Variants in TAFA1 observed in about 807,000 individuals in gnomAD.
TAFA1 encodes the protein chemokine-like protein TAFA-1.
In TAFA1, 4 loss-of-function variants were observed where a neutral mutation model predicts 18.5. The ratio of observed to expected loss-of-function variants is 0.22; its 90% CI spans 0.11 to 0.49. The LOEUF (loss-of-function observed/expected upper bound fraction) is 0.49, where lower values mean the gene tolerates loss of function less well. Ranked by LOEUF, TAFA1 falls within the 20% of genes least tolerant of loss-of-function variation. The pLI is 0.98. For synonymous variants in TAFA1, 56 were observed against 55.2 expected (o/e 1.01, Z -0.06); for missense variants, 147 against 169.0 (o/e 0.87, Z 0.72).
chr3:68,235,269 T>C lies in TAFA1; in HGVS notation c.119-182011T>C, dbSNP rs549146145. Among the ~76,000 whole-genome samples, 3 of 152,296 alleles carry C rather than the reference T, an allele frequency of 2.0e-5. No homozygotes were observed. The East Asian group carries it at 5.8e-4, about 29-fold the overall frequency. On this transcript the variant is annotated intron_variant, in intron 2 of 4. Coordinates refer to ENST00000478136, the MANE Select transcript of TAFA1 (RefSeq NM_213609.4). ...TCTCCACTCACCATATCTTACCACA[T>C]CTCACACATTGGTTATGAAATCCAT...
chr3:68,159,186 G>C (rs539432350), intron 2 of TAFA1, among the ~76,000 whole-genome samples: 1 of 152,214 alleles, frequency 6.6e-6, no homozygotes, highest in African/African-American at 2.4e-5. Context: ...GAAGATGATA[G>C]CACACCACCT....
chr3:67,993,385 T>C, the TAFA1 span, among the ~76,000 whole-genome samples: 1 of 152,222 alleles, frequency 6.6e-6, no homozygotes, highest in Non-Finnish European at 1.5e-5. Context: ...TCCTAAACTG[T>C]AAGGCGGAAG....
At chr3:68,083,788 C>G (rs919391160) in intron 2 of TAFA1, among the ~76,000 whole-genome samples, 4 of 152,078 alleles carry the variant, frequency 2.6e-5, no homozygotes, top group African/African-American at 9.7e-5. Flanking sequence ...GACATTCAGC[C>G]TTGATATTTT....
At chr3:68,378,818 C>T (rs1157749682) in intron 2 of TAFA1, among the ~76,000 whole-genome samples, 1 of 152,008 alleles carries the variant, frequency 6.6e-6, no homozygotes, top group Non-Finnish European at 1.5e-5. Context: ...TAAGCAAAGC[C>T]TTTGACAGTT....
chr3:68,161,355 G>A (rs1453246199), intron 2 of TAFA1, among the ~76,000 whole-genome samples: 1 of 152,138 alleles, frequency 6.6e-6, no homozygotes, highest in Admixed American at 6.5e-5. Flanking sequence ...AGAGGGTACA[G>A]TGGGGGTTCT....
chr3:68,162,881 A>C (rs1228261045), intron 2 of TAFA1, among the ~76,000 whole-genome samples: 1 of 152,224 alleles, frequency 6.6e-6, no homozygotes, highest in East Asian at 1.9e-4. Flanking sequence ...TTTTTAGATA[A>C]ATTGGTTTGT....
intron 2 of TAFA1, among the ~76,000 whole-genome samples, chr3:68,301,152 C>A (rs2068297410): frequency 6.6e-6 from 1 of 152,142 alleles, no homozygotes; most frequent in Non-Finnish European, 1.5e-5. Flanking sequence ...ACCCCACCCC[C>A]AATTTATACT....
intron 2 of TAFA1, among the ~76,000 whole-genome samples, chr3:68,300,903 C>A (rs1174881210): frequency 6.6e-6 from 1 of 152,080 alleles, no homozygotes; most frequent in Admixed American, 6.5e-5. Flanking sequence ...TGAGGTCTCC[C>A]CAGCCATGCT....
At chr3:68,157,321 C>A (rs1293930441) in intron 2 of TAFA1, among the ~76,000 whole-genome samples, 1 of 152,090 alleles carries the variant, frequency 6.6e-6, no homozygotes, top group Non-Finnish European at 1.5e-5. Flanking sequence ...GAAAGCAGAA[C>A]ATTGCCAAGA....
chr3:68,182,047 A>C (rs957430782), intron 2 of TAFA1, among the ~76,000 whole-genome samples: 1 of 152,088 alleles, frequency 6.6e-6, no homozygotes, highest in Non-Finnish European at 1.5e-5. Flanking sequence ...TCTCTACACA[A>C]AGCAAAAAAC....
At chr3:68,000,974 G>A (rs954838660), upstream of TAFA1, among the ~76,000 whole-genome samples, 1 of 152,112 alleles carries the variant, frequency 6.6e-6, no homozygotes, top group African/African-American at 2.4e-5. Flanking sequence ...ATCAGCTATG[G>A]ATTTGAAAGT....
At chr3:68,111,780 A>AGAG (rs377007942) in intron 2 of TAFA1, among the ~76,000 whole-genome samples, 19,969 of 145,860 alleles carry the variant, frequency 0.14, 1,510 homozygotes, top group East Asian at 0.35. Flanking sequence ...ACACATGAGA[A>AGAG]AGAGAGAGAG....
intron 3 of TAFA1, among the ~76,000 whole-genome samples, chr3:68,453,554 C>G (rs2071603685): frequency 6.6e-6 from 1 of 152,058 alleles, no homozygotes; most frequent in African/African-American, 2.4e-5. Context: ...TCTCTTTGTT[C>G]TTAATTATAT....
chr3:68,303,170 T>G (rs970103699), intron 2 of TAFA1, among the ~76,000 whole-genome samples: 6 of 152,222 alleles, frequency 3.9e-5, no homozygotes, highest in African/African-American at 1.4e-4. Flanking sequence ...TATAAAAAGC[T>G]ACACAGATAA....
At chr3:68,202,990 G>C (rs945399143) in intron 2 of TAFA1, among the ~76,000 whole-genome samples, 1 of 151,696 alleles carries the variant, frequency 6.6e-6, no homozygotes, top group Non-Finnish European at 1.5e-5. Context: ...TTTAAGGCAT[G>C]TTTGCTGACT....
At chr3:68,007,105 G>A (rs554047867) in intron 2 of TAFA1, among the ~76,000 whole-genome samples, 2 of 152,344 alleles carry the variant, frequency 1.3e-5, no homozygotes, top group South Asian at 4.1e-4. Context: ...TGGTCTGTAT[G>A]TGGCTAAGAA....
intron 2 of TAFA1, among the ~76,000 whole-genome samples, chr3:68,152,136 G>A (rs953767722): frequency 6.6e-6 from 1 of 152,132 alleles, no homozygotes; most frequent in Non-Finnish European, 1.5e-5. Context: ...AGCAGGATTT[G>A]AAATTCATTT....
intron 2 of TAFA1, among the ~76,000 whole-genome samples, chr3:68,045,679 A>G (rs6548943): frequency 0.93 from 141,750 of 152,150 alleles, 66,206 homozygotes; most frequent in South Asian, 0.97. Flanking sequence ...TACGGTTCTG[A>G]GCTTGATTGA....
chr3:68,100,036 C>A (rs7646295), intron 2 of TAFA1, among the ~76,000 whole-genome samples: 137,854 of 152,112 alleles, frequency 0.91, 62,653 homozygotes, highest in South Asian at 0.95. Context: ...CTGAAAATCT[C>A]CCTATTGAGT....
Sources: allele counts gnomAD v4.1 joint callset (sites outside exome capture counted in the v4.1 genomes callset), GRCh38; gene constraint gnomAD v4.1.1; transcripts MANE v1.5; gene names NCBI Gene and HGNC (gene_info 2026-07-23, HGNC 2026-07-21).